The following STXBP5L variants were observed in gnomAD, a reference collection of about 807,000 sequenced individuals.
STXBP5L encodes syntaxin binding protein 5L, also known as syntaxin-binding protein 5-like.
Under a neutral mutation model 144.5 loss-of-function variants are expected in STXBP5L, and 65 were observed. The observed-to-expected ratio is 0.45, with a 90% CI of 0.37 to 0.55. The LOEUF is 0.55. Among genes scored for constraint, STXBP5L ranks in the 20% least tolerant of loss-of-function variants. The pLI is 0.00. For missense variants in STXBP5L, 1,298 were observed against 1,405.5 expected, an observed-to-expected ratio of 0.92 and a Z score of 1.22; for synonymous variants, 505 against 469.6, an observed-to-expected ratio of 1.08 and a Z score of -0.97.
chr3:121,304,876 TCAAAC>T lies in STXBP5L; in HGVS notation c.2111-13596_2111-13592del, dbSNP rs996143142. 3.5e-4 allele frequency among the ~76,000 whole-genome samples: 53 copies of T among 151,210 alleles called. 1 individual carries two copies. The highest frequency in any genetic ancestry group is 1.2e-3 in the African/African-American group (50 of 41,214). ...TCATCAAAAATGAACGAAATAGAGG[TCAAAC>T]CAGAGTAGATCAACAAAACCCCAAA... On this transcript the variant is annotated intron_variant, in intron 19 of 26. Transcript: ENST00000471454.
intron 3 of STXBP5L, among the ~76,000 whole-genome samples, chr3:120,983,041 G>A (rs946965943): frequency 1.3e-4 from 20 of 152,226 alleles, no homozygotes; most frequent in Admixed American, 1.2e-3. Context: ...GAGCAGTGGA[G>A]GCAGGCAGCT....
chr3:121,099,489 G>GA (rs766537522), intron 5 of STXBP5L: 5 of 152,312 alleles, frequency 3.3e-5, no homozygotes, highest in Non-Finnish European at 7.3e-5. Flanking sequence ...AAACTTCAGT[G>GA]AACACTTATG....
At chr3:121,128,907 A>C (rs2044841868) in intron 7 of STXBP5L, among the ~76,000 whole-genome samples, 1 of 152,126 alleles carries the variant, frequency 6.6e-6, no homozygotes, top group Admixed American at 6.6e-5. Context: ...ACTGAAAAAG[A>C]ATCCTGAAAT....
At position 121,041,429 on chromosome 3, in the gene STXBP5L, G is replaced by A. The variant is rs542372962; in HGVS notation, c.288-271G>A. Among the ~76,000 whole-genome samples the A allele has an allele frequency of 4.6e-5, 7 of 152,124 alleles. No homozygotes were observed. In the East Asian group the frequency reaches 9.7e-4, roughly 21 times the overall value. On this transcript the variant is annotated intron_variant, in intron 3 of 26. Coordinates refer to ENST00000471454, the MANE Select transcript of STXBP5L (RefSeq NM_001308330.2). ...TAAAAAATCTTAAATGAAATGAGGT[G>A]TATCTAGATTCCCAATTCTTGTTTA...
At chr3:121,009,569 A>C (rs1382738329) in intron 3 of STXBP5L, among the ~76,000 whole-genome samples, 1 of 151,980 alleles carries the variant, frequency 6.6e-6, no homozygotes. Context: ...CATTTATTTA[A>C]AAAGCGCATT....
At chr3:121,348,727 T>G (rs759039919) in intron 20 of STXBP5L, among the ~76,000 whole-genome samples, 1 of 152,098 alleles carries the variant, frequency 6.6e-6, no homozygotes, top group Non-Finnish European at 1.5e-5. Flanking sequence ...TCTTCTAGAT[T>G]TTGTAGTTTA....
At chr3:120,983,723 C>T (rs1362561688) in intron 3 of STXBP5L, among the ~76,000 whole-genome samples, 3 of 152,078 alleles carry the variant, frequency 2.0e-5, no homozygotes, top group African/African-American at 7.2e-5. Flanking sequence ...CACCTTTTCC[C>T]CACATCAGGG....
At chr3:121,079,203 GA>G (rs1466316446) in intron 5 of STXBP5L, among the ~76,000 whole-genome samples, 1 of 152,268 alleles carries the variant, frequency 6.6e-6, no homozygotes, top group East Asian at 1.9e-4. Flanking sequence ...GAGCCCTGAA[GA>G]AAGGGCTTTT....
chr3:121,033,212 A>C (rs1000218768), intron 3 of STXBP5L, among the ~76,000 whole-genome samples: 1 of 142,572 alleles, frequency 7.0e-6, no homozygotes, highest in Admixed American at 7.3e-5. Context: ...AAAATGTGGC[A>C]CATATACACC....
At chr3:121,239,220 C>A in intron 13 of STXBP5L, 102 bp downstream of exon 13, 1 of 625,778 alleles carries the variant, frequency 1.6e-6, no homozygotes, top group Non-Finnish European at 2.5e-6. Flanking sequence ...GAGGACTTAA[C>A]TAAATTCTTT....
intron 10 of STXBP5L, among the ~76,000 whole-genome samples, chr3:121,210,932 A>C (rs2048538742): frequency 1.3e-5 from 2 of 152,180 alleles, no homozygotes; most frequent in African/African-American, 4.8e-5. Context: ...TTGGTTCCAT[A>C]TGAACTTTAA....
At chr3:121,314,948 C>A (rs1253463770) in intron 19 of STXBP5L, among the ~76,000 whole-genome samples, 1 of 152,154 alleles carries the variant, frequency 6.6e-6, no homozygotes, top group Admixed American at 6.5e-5. Context: ...CCATCTCACA[C>A]CCGTTAGAAT....
intron 10 of STXBP5L, among the ~76,000 whole-genome samples, chr3:121,213,460 G>A (rs2048658468): frequency 6.6e-6 from 1 of 152,166 alleles, no homozygotes; most frequent in South Asian, 2.1e-4. Context: ...CATCTATTGA[G>A]ATAATCATGA....
intron 14 of STXBP5L, among the ~76,000 whole-genome samples, chr3:121,245,526 A>G (rs2049821000): frequency 6.6e-6 from 1 of 152,130 alleles, no homozygotes; most frequent in African/African-American, 2.4e-5. Context: ...TTGATTGAAA[A>G]AAGTAGAACT....
intron 9 of STXBP5L, among the ~76,000 whole-genome samples, chr3:121,187,979 G>A (rs532389012): frequency 9.9e-5 from 15 of 152,140 alleles, no homozygotes; most frequent in African/African-American, 3.6e-4. Context: ...GAAAGAAGAA[G>A]AGCTAACTAT....
At chr3:121,166,897 T>A (rs1166505091) in intron 9 of STXBP5L, among the ~76,000 whole-genome samples, 1 of 152,072 alleles carries the variant, frequency 6.6e-6, no homozygotes. Context: ...AAGGCAATTG[T>A]GGAAATAAAG....
chr3:120,937,724 G>T (rs1208392522), intron 2 of STXBP5L, among the ~76,000 whole-genome samples: 3 of 152,038 alleles, frequency 2.0e-5, no homozygotes, highest in Non-Finnish European at 2.9e-5. Flanking sequence ...GGAAATTTCA[G>T]TATCTTAAAA....
chr3:121,411,838 G>A (rs924290508), intron 23 of STXBP5L, among the ~76,000 whole-genome samples: 6 of 152,060 alleles, frequency 3.9e-5, no homozygotes, highest in Admixed American at 3.9e-4. Flanking sequence ...ACACATCTCT[G>A]TCAGTTTTGC....
chr3:121,012,790 G>C (rs1944878599), intron 3 of STXBP5L, among the ~76,000 whole-genome samples: 1 of 151,768 alleles, frequency 6.6e-6, no homozygotes, highest in Non-Finnish European at 1.5e-5. Context: ...CATCACCCAA[G>C]TAGGAAACAA....
Sources: gnomAD v4.1 joint callset for allele counts (sites outside exome capture counted in the v4.1 genomes callset) on GRCh38, gnomAD v4.1.1 for gene constraint, MANE v1.5 for transcripts, NCBI Gene and HGNC (gene_info 2026-07-23, HGNC 2026-07-21) for gene names.